The following TRIM11 variants were observed in gnomAD, a reference collection of about 807,000 sequenced individuals.
TRIM11 encodes E3 ubiquitin-protein ligase TRIM11.
TRIM11 carries 15 observed loss-of-function variants against 33.4 expected under a neutral mutation model. That is an observed-to-expected ratio of 0.45 (90% confidence interval 0.30 to 0.69). The LOEUF (loss-of-function observed/expected upper bound fraction) is 0.69. Among genes scored for constraint, TRIM11 ranks in the 30% least tolerant of loss-of-function variants. TRIM11 has a pLI of 0.08. For synonymous variants in TRIM11, 281 were observed against 302.6 expected, an observed-to-expected ratio of 0.93 and a Z score of 0.74; for missense variants, 499 against 667.6, an observed-to-expected ratio of 0.75 and a Z score of 2.78.
chr1:228,396,577 CAGA>C, intron 5 of TRIM11: 3 of 654,714 alleles, frequency 4.6e-6, no homozygotes, highest in Non-Finnish European at 8.5e-6. Flanking sequence ...GCTGAGGGAA[CAGA>C]AGTATGGGCA....
Position 228,406,204 on chromosome 1 carries a change from G to A in TRIM11, c.358C>T (p.His120Tyr). The stretch of plus-strand genomic sequence containing the variant: ...AGCGGCCGCACGCGGTGCGCCCAGT[G>A]CTCCCCAGAGCGCTCGCAGGCCGCA... Reference protein sequence around the residue: ...LCAACERSGEHWAHRVRPLQD... With the variant: ...LCAACERSGEYWAHRVRPLQD... Residue 120 changes from histidine (H) to tyrosine (Y), a missense_variant, in exon 1 of 6, where the codon CAC becomes TAC. Physicochemically the swap from His to Tyr is moderately conservative, Grantham distance 83. Coordinates refer to ENST00000284551, the MANE Select transcript of TRIM11 (RefSeq NM_145214.3). The surrounding 1 kb of genome is among the most constrained non-coding windows in gnomAD (Gnocchi z 8.2). 1 of 1,467,370 alleles carries A rather than the reference G, an allele frequency of 6.8e-7. No homozygotes were observed. The highest frequency in any genetic ancestry group is 8.9e-7 in the Non-Finnish European group (1 of 1,118,728). The allele number at this position is 1,467,370 out of a possible 1,614,324, so 90.9% of individuals were successfully genotyped here.
Position 228,401,980 on chromosome 1 carries a change from T to C in TRIM11, c.504+86A>G. The C allele has an allele frequency of 9.0e-7, 1 of 1,113,808 alleles. No homozygotes were observed. The highest frequency in any genetic ancestry group is 2.5e-5 in the Admixed American group (1 of 40,700). 69.0% of individuals were successfully genotyped at this position (1,113,808 alleles called of 1,614,324 possible). On this transcript the variant is annotated intron_variant, in intron 2 of 5. Transcript: ENST00000284551. The surrounding 1 kb of genome is among the most constrained non-coding windows in gnomAD (Gnocchi z 6.1). ...CTGGGGCGCCAAGGGCAAGTGTGCC[T>C]GGCCAGCATCGCCCCCTGGGGTCTC...
intron 1 of TRIM11, chr1:228,405,854 A>G (rs1404420879): frequency 1.2e-5 from 4 of 335,774 alleles, no homozygotes. Flanking sequence ...TCCACCTTCC[A>G]CCTTCCTCTC....
At position 228,406,200 on chromosome 1, in the gene TRIM11, C is replaced by A; in HGVS notation, c.362G>T (p.Trp121Leu). Residue 121 changes from tryptophan (W) to leucine (L), a missense_variant, in exon 1 of 6, where the codon TGG becomes TTG. Physicochemically the swap from Trp to Leu is moderately conservative, Grantham distance 61. Coordinates refer to ENST00000284551, the MANE Select transcript of TRIM11 (RefSeq NM_145214.3). This position sits in a 1 kb window ranked among gnomAD's most constrained non-coding sequence, Gnocchi z 8.2. ...CTGCAGCGGCCGCACGCGGTGCGCC[C>A]AGTGCTCCCCAGAGCGCTCGCAGGC... is the stretch of plus-strand genomic sequence containing the variant. Reference protein sequence around the residue: ...CAACERSGEHWAHRVRPLQDA... With the variant: ...CAACERSGEHLAHRVRPLQDA... 1 of 1,458,926 alleles carries A rather than the reference C, an allele frequency of 6.9e-7. No homozygotes were observed. The highest frequency in any genetic ancestry group is 1.3e-5 in the South Asian group (1 of 75,244). 90.4% of individuals were successfully genotyped at this position (1,458,926 alleles called of 1,614,324 possible).
At chr1:228,397,250 C>G (rs1558446149) in intron 3 of TRIM11, 85 bp from the exon 4 acceptor site, 4 of 1,498,882 alleles carry the variant, frequency 2.7e-6, no homozygotes. Context: ...GGAGCCTCGC[C>G]CCGTCCCCCT....
rs1046559474 is a variant in TRIM11, at chr1:228,401,867, C to T, written c.504+199G>A. Among the ~76,000 whole-genome samples, 1 of 152,134 alleles carries T rather than the reference C, an allele frequency of 6.6e-6. No homozygotes were observed. The highest frequency in any genetic ancestry group is 1.5e-5 in the Non-Finnish European group (1 of 68,018). ...GGGGCCCTTGCAGTATGGGAGCCCA[C>T]GCCCACGACCTGGCAGGACAGGTGC... On this transcript the variant is annotated intron_variant, in intron 2 of 5. Transcript: ENST00000284551. The surrounding 1 kb of genome is among the most constrained non-coding windows in gnomAD (Gnocchi z 6.1).
Position 228,406,822 on chromosome 1 carries a change from A to G in TRIM11, c.-261T>C. On this transcript the variant is annotated 5_prime_UTR_variant, in exon 1 of 6. Coordinates refer to ENST00000284551, the MANE Select transcript of TRIM11 (RefSeq NM_145214.3). This position sits in a 1 kb window ranked among gnomAD's most constrained non-coding sequence, Gnocchi z 8.2. ...GTAGGGATCCCGGATGCCGGCAGGA[A>G]GAGGAGCCGAGGCGGAAGCAGGAAG... is the stretch of plus-strand genomic sequence containing the variant. 1 of 175,708 alleles carries G rather than the reference A, an allele frequency of 5.7e-6. No individual in the cohort carries two copies. 10.9% of individuals were successfully genotyped at this position (175,708 alleles called of 1,614,324 possible).
rs2074970602 is a variant in TRIM11, at chr1:228,395,140, G to A, written c.972C>T (p.Arg324=). ...LRQALPDSPE[R]FDPGPCVLGQ... ...CCAGCACGCAGGGGCCGGGGTCAAAGCGCTCTGGGCTGTCCGGCAGGGCCT... is the reference window on the plus strand; with the variant it reads ...CCAGCACGCAGGGGCCGGGGTCAAAACGCTCTGGGCTGTCCGGCAGGGCCT... Residue 324 remains arginine (R), a synonymous_variant, in exon 6 of 6, where the codon CGC becomes CGT. Coordinates refer to ENST00000284551, the MANE Select transcript of TRIM11 (RefSeq NM_145214.3). This position sits in a 1 kb window ranked among gnomAD's most constrained non-coding sequence, Gnocchi z 4.8. 1 of 1,555,280 alleles carries A rather than the reference G, an allele frequency of 6.4e-7. No homozygotes were observed. Among genetic ancestry groups the A allele is most frequent in the Non-Finnish European group, 8.7e-7 (1 of 1,155,396 alleles).
chr1:228,401,578 G>A lies in TRIM11; in HGVS notation c.505-384C>T, dbSNP rs1054046652. 6.6e-6 allele frequency among the ~76,000 whole-genome samples: 1 copy of A among 151,872 alleles called. No individual in the cohort carries two copies. Among genetic ancestry groups the A allele is most frequent in the African/African-American group, 2.4e-5 (1 of 41,292 alleles). Reference sequence around the variant, plus strand: ...TAGAACCCTGCATCTACCACCTGGGGCCAGCTGGACTACAAATCTACCACC... The same window carrying A: ...TAGAACCCTGCATCTACCACCTGGGACCAGCTGGACTACAAATCTACCACC... On this transcript the variant is annotated intron_variant, in intron 2 of 5. Coordinates refer to ENST00000284551, the MANE Select transcript of TRIM11 (RefSeq NM_145214.3). This position sits in a 1 kb window ranked among gnomAD's most constrained non-coding sequence, Gnocchi z 6.1.
rs1424991898 is a variant in TRIM11 at position 228,395,181 on chromosome 1, G to T, written c.931C>A (p.Arg311=). 1 of 1,514,396 alleles carries T rather than the reference G, an allele frequency of 6.6e-7. No individual in the cohort carries two copies. Among genetic ancestry groups the T allele is most frequent in the East Asian group, 2.3e-5 (1 of 43,572 alleles). 93.8% of individuals were successfully genotyped at this position (1,514,396 alleles called of 1,614,324 possible). Residue 311 remains arginine, a synonymous_variant, in exon 6 of 6, where the codon CGG becomes AGG. Coordinates refer to ENST00000284551, the MANE Select transcript of TRIM11 (RefSeq NM_145214.3). This position sits in a 1 kb window ranked among gnomAD's most constrained non-coding sequence, Gnocchi z 4.8. ...GGCAGGGCCTGCCGTAGGTCCCCCC[G>T]CTGCACGCTCCGCCTGTCTTCAGAC... The part of the protein sequence containing the change: ...ILSEDRRSVQ[R]GDLRQALPDS...
chr1:228,399,891 C>CAAAAAAAAAAAAAAAAAAAAAAAAAAAAA (rs58986540), intron 3 of TRIM11, among the ~76,000 whole-genome samples: 2 of 92,756 alleles, frequency 2.2e-5, no homozygotes, highest in Non-Finnish European at 4.9e-5. Flanking sequence ...AAAAAAAAAA[C>CAAAAAAAAAAAAAAAAAAAAAAAAAAAAA]AAAAAAAAAA....
rs1656138531 is a variant in TRIM11, at chr1:228,400,187, C to A, written c.735+777G>T. ...AATCTTGGGGCCCCTTGAGTCTACA[C>A]CATGCTGGGCATGGAACACGTTCTC... On this transcript the variant is annotated intron_variant, in intron 3 of 5. Coordinates refer to ENST00000284551, the MANE Select transcript of TRIM11 (RefSeq NM_145214.3). This position sits in a 1 kb window ranked among gnomAD's most constrained non-coding sequence, Gnocchi z 4.5. 6.6e-6 allele frequency among the ~76,000 whole-genome samples: 1 copy of A among 152,268 alleles called. No homozygotes were observed. The highest frequency in any genetic ancestry group is 2.4e-5 in the African/African-American group (1 of 41,472).
chr1:228,395,397 GTAAC>G lies in TRIM11; in HGVS notation c.860-149_860-146del, dbSNP rs998990997. 64 of 735,082 alleles carry G rather than the reference GTAAC, an allele frequency of 8.7e-5. No homozygotes were observed. The highest frequency in any genetic ancestry group is 4.2e-4 in the Middle Eastern group (1 of 2,372). The allele number at this position is 735,082 out of a possible 1,614,324, so 45.5% of individuals were successfully genotyped here. ...GCCTGTAGCCTCACAACCTCCTGGA[GTAAC>G]TAACTGTCTCCAAGTGGACATCCTC... On this transcript the variant is annotated intron_variant, in intron 5 of 5. Transcript: ENST00000284551. This position sits in a 1 kb window ranked among gnomAD's most constrained non-coding sequence, Gnocchi z 4.8.
chr1:228,404,918 GTTAAT>G (rs2149094623), intron 1 of TRIM11: 1 of 152,156 alleles, frequency 6.6e-6, no homozygotes, highest in Non-Finnish European at 1.5e-5. Context: ...TTTTTTTCCT[GTTAAT>G]TTGTCTTGTG....
At position 228,406,824 on chromosome 1, in the gene TRIM11, A is replaced by T; in HGVS notation, c.-263T>A. 1.8e-5 allele frequency: 2 copies of T among 108,622 alleles called. No homozygotes were observed. The highest frequency in any genetic ancestry group is 3.5e-5 in the Non-Finnish European group (2 of 57,772). 6.7% of individuals were successfully genotyped at this position (108,622 alleles called of 1,614,324 possible). ...AGGGATCCCGGATGCCGGCAGGAAG[A>T]GGAGCCGAGGCGGAAGCAGGAAGCG... On this transcript the variant is annotated 5_prime_UTR_variant, in exon 1 of 6. Transcript: ENST00000284551. The surrounding 1 kb of genome is among the most constrained non-coding windows in gnomAD (Gnocchi z 8.2).
At chr1:228,397,249 C>T (rs1227685634) in intron 3 of TRIM11, 84 bp from the exon 4 acceptor site, 2 of 1,497,484 alleles carry the variant, frequency 1.3e-6, no homozygotes, top group Non-Finnish European at 1.8e-6. Flanking sequence ...TGGAGCCTCG[C>T]CCCGTCCCCC....
At chr1:228,399,584 CCT>C (rs2075014281) in intron 3 of TRIM11, among the ~76,000 whole-genome samples, 1 of 152,084 alleles carries the variant, frequency 6.6e-6, no homozygotes, top group Non-Finnish European at 1.5e-5. Flanking sequence ...CAACACCTGT[CCT>C]CTCTGCCCTC....
In TRIM11 at chr1:228,406,629, G is replaced by T; in HGVS notation, c.-68C>A. On this transcript the variant is annotated 5_prime_UTR_variant, in exon 1 of 6. Coordinates refer to ENST00000284551, the MANE Select transcript of TRIM11 (RefSeq NM_145214.3). The surrounding 1 kb of genome is among the most constrained non-coding windows in gnomAD (Gnocchi z 8.2). ...GCGGCGGGCGGCCTCGGCAGCTCGC[G>T]GGGACGCGGGGTATCCGGGTGCGGC... 7.4e-7 allele frequency: 1 copy of T among 1,343,368 alleles called. No individual in the cohort carries two copies. Among genetic ancestry groups the T allele is most frequent in the East Asian group, 2.9e-5 (1 of 34,384 alleles). The allele number at this position is 1,343,368 out of a possible 1,614,324, so 83.2% of individuals were successfully genotyped here.
At chr1:228,397,659 C>G (rs146000223) in intron 3 of TRIM11, 126 of 160,378 alleles carry the variant, frequency 7.9e-4, no homozygotes, top group African/African-American at 2.9e-3. Context: ...TGTGTCACTG[C>G]CTGATACGTG....
Sources: gnomAD v4.1 joint callset for allele counts (sites outside exome capture counted in the v4.1 genomes callset) on GRCh38, gnomAD v4.1.1 for gene constraint, Gnocchi (gnomAD v3.1) non-coding constraint, MANE v1.5 for transcripts, NCBI Gene and HGNC (gene_info 2026-07-23, HGNC 2026-07-21) for gene names.